Variants in NEGR1 observed in about 807,000 individuals in gnomAD.
NEGR1 encodes the protein IgLON family member 4.
In NEGR1, 10 loss-of-function variants were observed where a neutral mutation model predicts 40.9. That is an observed-to-expected ratio of 0.24 (90% CI 0.15 to 0.42). The LOEUF (loss-of-function observed/expected upper bound fraction) is 0.42. NEGR1 is among the 10% of genes least tolerant of loss of function. The pLI, the probability that NEGR1 is intolerant of heterozygous loss-of-function variation, is 1.00. For missense variants in NEGR1, 352 were observed against 438.9 expected (o/e 0.80, Z 1.77); for synonymous variants, 185 against 166.8 (o/e 1.11, Z -0.84).
intron 2 of NEGR1, among the ~76,000 whole-genome samples, chr1:71,897,040 G>A (rs148615579): frequency 6.6e-6 from 1 of 152,246 alleles, no homozygotes; most frequent in Non-Finnish European, 1.5e-5. Context: ...CATGTTACAA[G>A]TATAATCTGC....
chr1:71,596,061 A>G (rs1649701084), intron 5 of NEGR1, among the ~76,000 whole-genome samples: 1 of 115,388 alleles, frequency 8.7e-6, no homozygotes, highest in African/African-American at 3.2e-5. Context: ...AAAAAAAAAA[A>G]AAAGAGAAAC....
intron 1 of NEGR1, among the ~76,000 whole-genome samples, chr1:72,159,797 A>C (rs1651488855): frequency 6.6e-6 from 1 of 152,266 alleles, no homozygotes; most frequent in South Asian, 2.1e-4. Context: ...TAAATGCACA[A>C]ATCTTATGTA....
At chr1:72,174,338 G>A (rs570133179) in intron 1 of NEGR1, among the ~76,000 whole-genome samples, 6 of 152,192 alleles carry the variant, frequency 3.9e-5, no homozygotes, top group East Asian at 1.9e-4. Context: ...TTGACCTACG[G>A]TTATCACCCA....
chr1:71,512,553 C>T (rs1341561157), intron 6 of NEGR1, among the ~76,000 whole-genome samples: 1 of 150,426 alleles, frequency 6.6e-6, no homozygotes, highest in Non-Finnish European at 1.5e-5. Context: ...ACTTAAGTAG[C>T]ACTTAGAAAA....
intron 3 of NEGR1, among the ~76,000 whole-genome samples, chr1:71,735,110 A>G (rs552378448): frequency 7.9e-5 from 12 of 152,110 alleles, no homozygotes; most frequent in Non-Finnish European, 1.8e-4. Context: ...TTACATCAAC[A>G]TGTTCATATG....
chr1:72,023,367 C>A lies in NEGR1; in HGVS notation c.177-88056G>T, dbSNP rs545850788. The stretch of plus-strand genomic sequence containing the variant: ...TTTTTAATTGCTCAAGTATCTGTAA[C>A]CACTTAGCTAAGTGTTTACAGTTTC... On this transcript the variant is annotated intron_variant, in intron 1 of 6. Transcript: ENST00000357731. Among the ~76,000 whole-genome samples the A allele has an allele frequency of 4.6e-5, 7 of 151,988 alleles. No individual in the cohort carries two copies. The South Asian group carries it at 1.0e-3, about 23-fold the overall frequency.
chr1:71,839,667 G>T (rs1659168644), intron 2 of NEGR1, among the ~76,000 whole-genome samples: 2 of 152,134 alleles, frequency 1.3e-5, no homozygotes, highest in Non-Finnish European at 2.9e-5. Flanking sequence ...ACAACAGGCT[G>T]CTTCTTCATT....
chr1:72,031,017 T>C (rs761124952), intron 1 of NEGR1, among the ~76,000 whole-genome samples: 20 of 152,218 alleles, frequency 1.3e-4, no homozygotes, highest in Admixed American at 4.6e-4. Flanking sequence ...GTTGCTTCCA[T>C]GGGGCAACTG....
intron 1 of NEGR1, among the ~76,000 whole-genome samples, chr1:72,198,968 T>G (rs1300830583): frequency 1.3e-5 from 2 of 152,024 alleles, no homozygotes; most frequent in Non-Finnish European, 2.9e-5. Context: ...GTTAACATCA[T>G]ATATCACCAC....
intron 1 of NEGR1, among the ~76,000 whole-genome samples, chr1:71,964,477 T>A (rs1252208560): frequency 1.3e-5 from 2 of 152,110 alleles, no homozygotes; most frequent in African/African-American, 4.8e-5. Flanking sequence ...TAGCTGAGGC[T>A]TTGATTCCTA....
intron 1 of NEGR1, among the ~76,000 whole-genome samples, chr1:72,020,267 C>T (rs1056663111): frequency 2.6e-5 from 4 of 152,138 alleles, no homozygotes; most frequent in African/African-American, 4.8e-5. Context: ...ATCCTGAACA[C>T]TTGCTTATCT....
intron 6 of NEGR1, among the ~76,000 whole-genome samples, chr1:71,500,049 TA>T (rs1395188652): frequency 6.6e-6 from 1 of 152,092 alleles, no homozygotes; most frequent in African/African-American, 2.4e-5. Flanking sequence ...TTTATGAATT[TA>T]AAAAATCAAA....
intron 2 of NEGR1, among the ~76,000 whole-genome samples, chr1:71,920,290 G>A (rs573182552): frequency 2.6e-5 from 4 of 152,160 alleles, no homozygotes; most frequent in Non-Finnish European, 5.9e-5. Context: ...AAGACAATGC[G>A]AGTTTATACA....
intron 1 of NEGR1, among the ~76,000 whole-genome samples, chr1:71,952,503 A>G (rs1459191359): frequency 6.6e-6 from 1 of 152,008 alleles, no homozygotes; most frequent in Non-Finnish European, 1.5e-5. Context: ...TTGGTTCATT[A>G]GGTTTAAGAA....
intron 1 of NEGR1, among the ~76,000 whole-genome samples, chr1:72,028,316 C>A (rs1349989121): frequency 1.3e-5 from 2 of 152,054 alleles, no homozygotes; most frequent in African/African-American, 4.8e-5. Context: ...TCTATACGTA[C>A]CTTATTTTTC....
chr1:71,399,496 C>G lies in NEGR1; in HGVS notation c.*7950G>C, dbSNP rs1201460075. ...CACAAGATGTTCCTTATGCTAACGT[C>G]TTAGCAAATAAAACTTAAACAGAAA... On this transcript the variant is annotated 3_prime_UTR_variant, in exon 7 of 7. Coordinates refer to ENST00000357731, the MANE Select transcript of NEGR1 (RefSeq NM_173808.3). 6.6e-6 allele frequency: 1 copy of G among 152,154 alleles called. No homozygotes were observed. Among genetic ancestry groups the G allele is most frequent in the African/African-American group, 2.4e-5 (1 of 41,440 alleles). The allele number at this position is 152,154 out of a possible 1,614,324, so 9.4% of individuals were successfully genotyped here.
intron 6 of NEGR1, among the ~76,000 whole-genome samples, chr1:71,539,325 A>AT (rs375790996): frequency 1.3e-5 from 2 of 151,796 alleles, no homozygotes; most frequent in African/African-American, 2.4e-5. Flanking sequence ...CTTAAAAGTA[A>AT]TTTTTTTCCC....
At chr1:71,746,772 G>GCACA (rs57628799) in intron 3 of NEGR1, among the ~76,000 whole-genome samples, 27 of 143,240 alleles carry the variant, frequency 1.9e-4, no homozygotes, top group East Asian at 4.1e-4. Context: ...ACACACACAC[G>GCACA]CACACACACA....
chr1:71,545,553 T>A lies in NEGR1; in HGVS notation c.940+47264A>T, dbSNP rs148485989. Reference sequence around the variant, plus strand: ...GTCTATTGTGCTGTCTGACTCTGTCTCTCTCTTTCTGTCCCCTTCTTGAGA... The same window carrying A: ...GTCTATTGTGCTGTCTGACTCTGTCACTCTCTTTCTGTCCCCTTCTTGAGA... On this transcript the variant is annotated intron_variant, in intron 6 of 6. Coordinates refer to ENST00000357731, the MANE Select transcript of NEGR1 (RefSeq NM_173808.3). Among the ~76,000 whole-genome samples, 98 of 151,886 alleles carry A rather than the reference T, an allele frequency of 6.5e-4. No individual in the cohort carries two copies. The East Asian group carries it at 0.019, about 29-fold the overall frequency.
Sources: allele counts gnomAD v4.1 joint callset (sites outside exome capture counted in the v4.1 genomes callset), GRCh38; gene constraint gnomAD v4.1.1; transcripts MANE v1.5; gene names NCBI Gene and HGNC (gene_info 2026-07-23, HGNC 2026-07-21).